The following FBXL7 variants were observed in gnomAD, a reference collection of about 807,000 sequenced individuals.
FBXL7 encodes the protein F-box/LRR-repeat protein 7.
A neutral mutation model predicts 38.3 loss-of-function variants in FBXL7; 12 were observed. The ratio of observed to expected loss-of-function variants is 0.31; its 90% CI spans 0.20 to 0.51. The LOEUF (loss-of-function observed/expected upper bound fraction) is 0.51, where lower values mean the gene tolerates loss of function less well. Ranked by LOEUF, FBXL7 falls within the 20% of genes least tolerant of loss-of-function variation. The probability of loss-of-function intolerance (pLI) is 0.98; values close to 1 mark genes in which losing one functional copy is unlikely to be tolerated. For synonymous variants in FBXL7, 297 were observed against 300.9 expected, an observed-to-expected ratio of 0.99 and a Z score of 0.13; for missense variants, 567 against 676.4, an observed-to-expected ratio of 0.84 and a Z score of 1.79.
At chr5:15,567,475 A>C (rs1738620114) in intron 1 of FBXL7, among the ~76,000 whole-genome samples, 1 of 152,070 alleles carries the variant, frequency 6.6e-6, no homozygotes, top group South Asian at 2.1e-4. Flanking sequence ...TTGAATTAAT[A>C]ATTGGAAGAG....
chr5:15,803,529 C>T (rs948341840), intron 2 of FBXL7, among the ~76,000 whole-genome samples: 5 of 146,430 alleles, frequency 3.4e-5, no homozygotes, highest in South Asian at 2.3e-4. Flanking sequence ...TCCCCTTTCT[C>T]CCCCCATCCT....
chr5:15,618,044 C>CA (rs1250224618), intron 2 of FBXL7, among the ~76,000 whole-genome samples: 1 of 151,992 alleles, frequency 6.6e-6, no homozygotes, highest in African/African-American at 2.4e-5. Flanking sequence ...TGTGGGACCT[C>CA]ATGCATTTAA....
chr5:15,881,891 C>T (rs894224717), intron 2 of FBXL7, among the ~76,000 whole-genome samples: 4 of 152,146 alleles, frequency 2.6e-5, no homozygotes, highest in Non-Finnish European at 4.4e-5. Flanking sequence ...GTCTAATTGG[C>T]TCATGGTTCT....
chr5:15,686,357 A>T (rs1025387159), intron 2 of FBXL7, among the ~76,000 whole-genome samples: 5 of 152,180 alleles, frequency 3.3e-5, no homozygotes, highest in African/African-American at 1.2e-4. Context: ...GGTAGAGCAC[A>T]TTCCTTTACA....
chr5:15,639,929 C>T (rs533498881), intron 2 of FBXL7, among the ~76,000 whole-genome samples: 1 of 152,208 alleles, frequency 6.6e-6, no homozygotes, highest in East Asian at 1.9e-4. Flanking sequence ...TTGTTCTTTT[C>T]ACCCAGCTGT....
chr5:15,658,930 A>C (rs930969321), intron 2 of FBXL7, among the ~76,000 whole-genome samples: 1 of 152,112 alleles, frequency 6.6e-6, no homozygotes, highest in Non-Finnish European at 1.5e-5. Flanking sequence ...GAAATTGGGC[A>C]TAAGACAATA....
chr5:15,809,267 C>A (rs1737792513), intron 2 of FBXL7, among the ~76,000 whole-genome samples: 1 of 152,150 alleles, frequency 6.6e-6, no homozygotes, highest in Non-Finnish European at 1.5e-5. Context: ...TGGGAAATGT[C>A]CATGCCTTTG....
intron 2 of FBXL7, among the ~76,000 whole-genome samples, chr5:15,834,672 C>T (rs1258743765): frequency 6.6e-6 from 1 of 152,214 alleles, no homozygotes; most frequent in Non-Finnish European, 1.5e-5. Context: ...GTGGCCTTAA[C>T]TGGCTTCTCT....
At chr5:15,512,995 A>G (rs966897985) in intron 1 of FBXL7, among the ~76,000 whole-genome samples, 2 of 152,216 alleles carry the variant, frequency 1.3e-5, no homozygotes, top group Non-Finnish European at 2.9e-5. Flanking sequence ...ATTCATACTA[A>G]TCAAATGTGG....
At chr5:15,739,862 C>A (rs1735849892) in intron 2 of FBXL7, among the ~76,000 whole-genome samples, 1 of 151,930 alleles carries the variant, frequency 6.6e-6, no homozygotes, top group South Asian at 2.1e-4. Flanking sequence ...TTGTGTGCAC[C>A]TATGTTTTCA....
intron 2 of FBXL7, among the ~76,000 whole-genome samples, chr5:15,710,852 A>G (rs1458315363): frequency 1.3e-5 from 2 of 152,108 alleles, no homozygotes; most frequent in Admixed American, 1.3e-4. Flanking sequence ...CTCTCTCTCT[A>G]AAACCTGGAG....
At chr5:15,636,025 A>G (rs1323363098) in intron 2 of FBXL7, among the ~76,000 whole-genome samples, 1 of 151,366 alleles carries the variant, frequency 6.6e-6, no homozygotes, top group Non-Finnish European at 1.5e-5. Flanking sequence ...TTTGAGAGTG[A>G]TTATAATCCT....
At chr5:15,628,007 CTG>C (rs1305382585) in intron 2 of FBXL7, among the ~76,000 whole-genome samples, 1 of 152,094 alleles carries the variant, frequency 6.6e-6, no homozygotes, top group Admixed American at 6.6e-5. Flanking sequence ...AAAGTCCACA[CTG>C]TGGAGGGAAT....
intron 2 of FBXL7, among the ~76,000 whole-genome samples, chr5:15,660,376 G>A (rs1742019960): frequency 6.6e-6 from 1 of 152,234 alleles, no homozygotes; most frequent in African/African-American, 2.4e-5. Context: ...TTTCTTTTGA[G>A]ATGGAGCTTC....
At chr5:15,658,672 A>T (rs948507924) in intron 2 of FBXL7, among the ~76,000 whole-genome samples, 4 of 152,018 alleles carry the variant, frequency 2.6e-5, no homozygotes, top group African/African-American at 7.2e-5. Context: ...TCCACTTGAG[A>T]GGGTTGTGAT....
At chr5:15,665,919 T>C (rs1742260079) in intron 2 of FBXL7, among the ~76,000 whole-genome samples, 1 of 152,306 alleles carries the variant, frequency 6.6e-6, no homozygotes, top group Non-Finnish European at 1.5e-5. Context: ...TGTAATCTTT[T>C]TATCTCAGGA....
intron 2 of FBXL7, among the ~76,000 whole-genome samples, chr5:15,680,441 A>T (rs534971978): frequency 6.6e-6 from 1 of 152,306 alleles, no homozygotes; most frequent in South Asian, 2.1e-4. Flanking sequence ...TAGGAGTTGT[A>T]AATTTATCTA....
chr5:15,915,231 G>C, intron 2 of FBXL7, among the ~76,000 whole-genome samples: 1 of 152,236 alleles, frequency 6.6e-6, no homozygotes, highest in Admixed American at 6.5e-5. Flanking sequence ...GGAAAGAGCT[G>C]TACTGGCTTC....
chr5:15,735,847 A>G (rs4146556), intron 2 of FBXL7, among the ~76,000 whole-genome samples: 98,803 of 152,090 alleles, frequency 0.65, 32,496 homozygotes, highest in East Asian at 0.72. Context: ...GCACTGGGGT[A>G]TTTTGAATAG....
Sources: allele counts gnomAD v4.1 joint callset (sites outside exome capture counted in the v4.1 genomes callset), GRCh38; gene constraint gnomAD v4.1.1; transcripts MANE v1.5; gene names NCBI Gene and HGNC (gene_info 2026-07-23, HGNC 2026-07-21).